The following DGKB variants were observed in gnomAD, a reference collection of about 807,000 sequenced individuals.
DGKB encodes 90 kDa diacylglycerol kinase.
In DGKB, 67 loss-of-function variants were observed where a neutral mutation model predicts 114.3. The ratio of observed to expected loss-of-function variants is 0.59; its 90% CI spans 0.48 to 0.72. The LOEUF is 0.72. DGKB is among the 30% of genes least tolerant of loss of function. DGKB has a pLI of 0.00. For missense variants in DGKB, 907 were observed against 975.2 expected (o/e 0.93, Z 0.93); for synonymous variants, 398 against 323.1 (o/e 1.23, Z -2.49).
chr7:14,308,757 A>C (rs1409614645), intron 23 of DGKB, among the ~76,000 whole-genome samples: 1 of 152,226 alleles, frequency 6.6e-6, no homozygotes, highest in Non-Finnish European at 1.5e-5. Context: ...GCTTAAGTGA[A>C]GAAAGCCCTT....
At chr7:14,527,610 A>G (rs1790852824) in intron 20 of DGKB, among the ~76,000 whole-genome samples, 1 of 152,064 alleles carries the variant, frequency 6.6e-6, no homozygotes, top group African/African-American at 2.4e-5. Flanking sequence ...CATTTTTGGA[A>G]GGTTCAAAAG....
rs1390272574 is a variant in DGKB, at chr7:14,471,247, A to G, written c.1835+6914T>C. On this transcript the variant is annotated intron_variant, in intron 21 of 25. Coordinates refer to ENST00000402815, the MANE Select transcript of DGKB (RefSeq NM_001350709.2). ...ATATGTATGGAATATATGTATACAT[A>G]CATATATGTGTATGGAATATATGTG... Among the ~76,000 whole-genome samples, 3 of 139,088 alleles carry G rather than the reference A, an allele frequency of 2.2e-5. 1 individual carries two copies. The East Asian group carries it at 7.5e-4, about 35-fold the overall frequency. The allele number at this position is 139,088 out of a possible 152,430, so 91.2% of individuals were successfully genotyped here.
chr7:14,692,804 T>G (rs891489399), intron 9 of DGKB, among the ~76,000 whole-genome samples: 1 of 151,922 alleles, frequency 6.6e-6, no homozygotes, highest in Non-Finnish European at 1.5e-5. Context: ...ATGGGCCTCA[T>G]GAAAGGTAAG....
intron 21 of DGKB, among the ~76,000 whole-genome samples, chr7:14,364,654 T>A (rs1419645439): frequency 6.6e-6 from 1 of 152,048 alleles, no homozygotes; most frequent in African/African-American, 2.4e-5. Flanking sequence ...TTAACAATCA[T>A]ATAATAATCA....
intron 12 of DGKB, among the ~76,000 whole-genome samples, chr7:14,673,591 G>A (rs1206162811): frequency 1.3e-5 from 2 of 151,966 alleles, no homozygotes; most frequent in African/African-American, 4.8e-5. Context: ...AAATTTATCT[G>A]TATATTGTAT....
At chr7:14,297,477 A>G (rs1003448163) in intron 23 of DGKB, among the ~76,000 whole-genome samples, 3 of 152,222 alleles carry the variant, frequency 2.0e-5, no homozygotes, top group Non-Finnish European at 2.9e-5. Flanking sequence ...CAATAGATGC[A>G]GAAAAGGCCT....
At chr7:14,590,459 T>C (rs1486914685) in intron 17 of DGKB, among the ~76,000 whole-genome samples, 1 of 152,148 alleles carries the variant, frequency 6.6e-6, no homozygotes, top group Non-Finnish European at 1.5e-5. Flanking sequence ...GTTTCATCTG[T>C]TATTCATTCT....
At chr7:14,159,311 T>C (rs1359636672) in intron 25 of DGKB, among the ~76,000 whole-genome samples, 1 of 152,126 alleles carries the variant, frequency 6.6e-6, no homozygotes, top group Non-Finnish European at 1.5e-5. Context: ...GTTATATCCT[T>C]CTCCTCTTTT....
chr7:14,703,251 G>A (rs1263345171), intron 6 of DGKB, among the ~76,000 whole-genome samples: 1 of 152,120 alleles, frequency 6.6e-6, no homozygotes, highest in Non-Finnish European at 1.5e-5. Flanking sequence ...CAGATTGAGG[G>A]ACATTTATAA....
intron 13 of DGKB, among the ~76,000 whole-genome samples, chr7:14,670,829 A>G (rs1043716447): frequency 2.6e-5 from 4 of 152,094 alleles, no homozygotes; most frequent in African/African-American, 9.7e-5. Flanking sequence ...CCCCTGCTGG[A>G]ATGTAAACTC....
In DGKB at chr7:14,145,723, C is replaced by G. The variant is rs1448883440; in HGVS notation, c.*3408G>C. 6.6e-6 allele frequency: 1 copy of G among 152,212 alleles called. No individual in the cohort carries two copies. The highest frequency in any genetic ancestry group is 1.5e-5 in the Non-Finnish European group (1 of 68,060). 9.4% of individuals were successfully genotyped at this position (152,212 alleles called of 1,614,324 possible). ...CTGCCTGCCTCTGTCTCCCAAAGTGCTGGGATTACAGGCGTAAGCCATTGC... is the reference window on the plus strand; with the variant it reads ...CTGCCTGCCTCTGTCTCCCAAAGTGGTGGGATTACAGGCGTAAGCCATTGC... On this transcript the variant is annotated 3_prime_UTR_variant, in exon 26 of 26. Transcript: ENST00000402815.
intron 1 of DGKB, among the ~76,000 whole-genome samples, chr7:14,952,273 A>G (rs1026574482): frequency 2.0e-5 from 3 of 152,160 alleles, no homozygotes; most frequent in African/African-American, 4.8e-5. Flanking sequence ...TCTAGCCTCC[A>G]AAATTATAAG....
At chr7:14,913,048 C>G (rs1480515008) in intron 1 of DGKB, among the ~76,000 whole-genome samples, 4 of 152,078 alleles carry the variant, frequency 2.6e-5, no homozygotes, top group Non-Finnish European at 4.4e-5. Context: ...TCAGTTTCAT[C>G]AAGAAAGGTG....
chr7:14,292,811 G>T (rs1269309431), intron 23 of DGKB, among the ~76,000 whole-genome samples: 1 of 152,164 alleles, frequency 6.6e-6, no homozygotes, highest in Non-Finnish European at 1.5e-5. Context: ...TTTCAGAGGT[G>T]CTGGCTTTGA....
chr7:14,892,604 C>T (rs929887378), intron 1 of DGKB, among the ~76,000 whole-genome samples: 3 of 150,668 alleles, frequency 2.0e-5, no homozygotes, highest in African/African-American at 7.3e-5. Flanking sequence ...GTCAAATATC[C>T]ATCTCCACCT....
intron 25 of DGKB, among the ~76,000 whole-genome samples, chr7:14,175,055 C>T (rs1781520756): frequency 6.6e-6 from 1 of 152,132 alleles, no homozygotes. Context: ...ATGAAAAATT[C>T]CTTCTTACAT....
At chr7:14,653,512 G>T (rs1815069987) in intron 13 of DGKB, among the ~76,000 whole-genome samples, 1 of 151,968 alleles carries the variant, frequency 6.6e-6, no homozygotes, top group African/African-American at 2.4e-5. Context: ...TTGTGGGGTG[G>T]GGGTAGGGGG....
intron 2 of DGKB, among the ~76,000 whole-genome samples, chr7:14,821,419 G>T (rs151023391): frequency 1.6e-4 from 25 of 152,232 alleles, no homozygotes; most frequent in African/African-American, 5.5e-4. Context: ...AATGAACAGG[G>T]TATTGATGTA....
intron 6 of DGKB, among the ~76,000 whole-genome samples, chr7:14,710,539 A>G (rs1320945133): frequency 2.6e-5 from 4 of 152,148 alleles, no homozygotes; most frequent in African/African-American, 4.8e-5. Context: ...GTTGAACTAT[A>G]CTTAGAGTAG....
Sources: allele counts gnomAD v4.1 joint callset (sites outside exome capture counted in the v4.1 genomes callset), GRCh38; gene constraint gnomAD v4.1.1; transcripts MANE v1.5; gene names NCBI Gene and HGNC (gene_info 2026-07-23, HGNC 2026-07-21).